Variants in DNM3 observed in about 807,000 individuals in gnomAD.
DNM3 encodes the protein dynamin 3.
DNM3 carries 47 observed loss-of-function variants against 101.6 expected under a neutral mutation model. The observed-to-expected ratio is 0.46, with a 90% CI of 0.37 to 0.59. The LOEUF (loss-of-function observed/expected upper bound fraction) is 0.59, where lower values mean the gene tolerates loss of function less well. Ranked by LOEUF, DNM3 falls within the 20% of genes least tolerant of loss-of-function variation. The pLI, the probability that DNM3 is intolerant of heterozygous loss-of-function variation, is 0.00. For missense variants in DNM3, 849 were observed against 1,085.7 expected (o/e 0.78, Z 3.06); for synonymous variants, 385 against 387.9 (o/e 0.99, Z 0.09).
At chr1:172,354,176 A>G (rs564137607) in intron 17 of DNM3, among the ~76,000 whole-genome samples, 4 of 150,650 alleles carry the variant, frequency 2.7e-5, no homozygotes, top group African/African-American at 9.8e-5. Flanking sequence ...TATCTGAAGA[A>G]AAAAAAGGCC....
intron 4 of DNM3, among the ~76,000 whole-genome samples, chr1:172,028,081 A>C (rs1207019474): frequency 6.6e-6 from 1 of 152,226 alleles, no homozygotes; most frequent in Non-Finnish European, 1.5e-5. Context: ...TAAGACATCT[A>C]CAGAACTCTC....
At chr1:172,098,236 C>G (rs892448164) in intron 13 of DNM3, among the ~76,000 whole-genome samples, 4 of 152,122 alleles carry the variant, frequency 2.6e-5, no homozygotes, top group African/African-American at 9.7e-5. Flanking sequence ...AAGACAGCCA[C>G]CCCCGAAGCG....
At chr1:172,369,752 T>G (rs1182793946) in intron 17 of DNM3, among the ~76,000 whole-genome samples, 1 of 152,092 alleles carries the variant, frequency 6.6e-6, no homozygotes, top group Non-Finnish European at 1.5e-5. Flanking sequence ...TTTATTTTCA[T>G]TAATTGATTA....
intron 11 of DNM3, among the ~76,000 whole-genome samples, chr1:172,077,230 C>A (rs937045138): frequency 1.1e-4 from 16 of 151,926 alleles, no homozygotes; most frequent in African/African-American, 3.6e-4. Flanking sequence ...ATCTGGCTAG[C>A]AGTCTATCTA....
intron 11 of DNM3, among the ~76,000 whole-genome samples, chr1:172,073,281 G>A (rs989028255): frequency 7.5e-6 from 1 of 133,388 alleles, no homozygotes; most frequent in South Asian, 2.5e-4. Context: ...ATGCTTATAT[G>A]TATATATACA....
chr1:171,861,401 T>C (rs776826757), intron 1 of DNM3, among the ~76,000 whole-genome samples: 2 of 152,100 alleles, frequency 1.3e-5, no homozygotes, highest in African/African-American at 2.4e-5. Context: ...ACTAAATGAA[T>C]GGAATAGACT....
At chr1:172,403,264 G>C (rs191773890) in intron 20 of DNM3, among the ~76,000 whole-genome samples, 1 of 152,078 alleles carries the variant, frequency 6.6e-6, no homozygotes, top group Non-Finnish European at 1.5e-5. Flanking sequence ...ATAAGGGCAG[G>C]GACAGAAAGG....
chr1:172,080,788 T>C (rs2053078968), intron 11 of DNM3, among the ~76,000 whole-genome samples: 1 of 152,164 alleles, frequency 6.6e-6, no homozygotes, highest in Admixed American at 6.5e-5. Context: ...GGTCTGCAGG[T>C]TGCGAAGACC....
At chr1:172,225,573 C>G (rs1454351168) in intron 14 of DNM3, among the ~76,000 whole-genome samples, 1 of 134,714 alleles carries the variant, frequency 7.4e-6, no homozygotes, top group African/African-American at 3.0e-5. Flanking sequence ...ACCAAATGAC[C>G]ATTTTTTTTT....
At chr1:172,415,526 T>TTG (rs1445426886), downstream of DNM3, 3 of 105,962 alleles carry the variant, frequency 2.8e-5, no homozygotes, top group African/African-American at 9.7e-5. Context: ...TTTTGTGAGT[T>TTG]TTTTTTTTTT....
At chr1:172,341,526 A>T (rs2148959645) in intron 17 of DNM3, among the ~76,000 whole-genome samples, 1 of 152,344 alleles carries the variant, frequency 6.6e-6, no homozygotes. Flanking sequence ...TTGTACTGGT[A>T]CAAAAACAGA....
intron 14 of DNM3, among the ~76,000 whole-genome samples, chr1:172,166,563 G>C (rs1454489671): frequency 6.6e-6 from 1 of 152,052 alleles, no homozygotes; most frequent in Non-Finnish European, 1.5e-5. Context: ...TGGATCCCCT[G>C]AAGACAAGTA....
At chr1:172,321,151 G>T (rs1232844603) in intron 16 of DNM3, among the ~76,000 whole-genome samples, 1 of 152,090 alleles carries the variant, frequency 6.6e-6, no homozygotes, top group Non-Finnish European at 1.5e-5. Flanking sequence ...ATTCCTCTTG[G>T]ACAAACTCTG....
intron 15 of DNM3, among the ~76,000 whole-genome samples, chr1:172,254,386 C>T (rs2062316169): frequency 1.3e-5 from 2 of 152,144 alleles, no homozygotes; most frequent in African/African-American, 4.8e-5. Flanking sequence ...ATTTCATATA[C>T]TATGACTAAA....
rs2047122094 is a variant in DNM3 at position 172,011,484 on chromosome 1, A to G, written c.590-20918A>G. ...ATTTAGCATGTCCAATGTTTAATTG[A>G]TGGTTATCTCCTTGGATTTTTCCTC... On this transcript the variant is annotated intron_variant, in intron 4 of 20. Coordinates refer to ENST00000627582, the MANE Select transcript of DNM3 (RefSeq NM_015569.5). Among the ~76,000 whole-genome samples, 2 of 151,986 alleles carry G rather than the reference A, an allele frequency of 1.3e-5. 1 individual carries two copies. Among genetic ancestry groups the G allele is most frequent in the South Asian group, 4.1e-4 (2 of 4,830 alleles).
chr1:171,925,518 C>T (rs2125338373), intron 2 of DNM3, among the ~76,000 whole-genome samples: 1 of 152,322 alleles, frequency 6.6e-6, no homozygotes, highest in African/African-American at 2.4e-5. Flanking sequence ...GTGTGAGCCA[C>T]CGTGCCTGGC....
At chr1:172,067,584 C>T (rs995836189) in intron 10 of DNM3, among the ~76,000 whole-genome samples, 2 of 152,110 alleles carry the variant, frequency 1.3e-5, no homozygotes, top group African/African-American at 2.4e-5. Flanking sequence ...CTGTTCCTGG[C>T]AAGCTTCATC....
intron 11 of DNM3, among the ~76,000 whole-genome samples, chr1:172,071,909 T>A (rs898608363): frequency 1.3e-5 from 2 of 152,186 alleles, no homozygotes; most frequent in Non-Finnish European, 2.9e-5. Flanking sequence ...TATTTTTCTT[T>A]TCATCCCCCA....
chr1:172,109,989 G>A (rs551884464), intron 13 of DNM3, among the ~76,000 whole-genome samples: 197 of 152,276 alleles, frequency 1.3e-3, no homozygotes, highest in Admixed American at 2.7e-3. Context: ...AACAGTTAAT[G>A]TGTTGTTCTT....
Sources: allele counts gnomAD v4.1 joint callset (sites outside exome capture counted in the v4.1 genomes callset), GRCh38; gene constraint gnomAD v4.1.1; transcripts MANE v1.5; gene names NCBI Gene and HGNC (gene_info 2026-07-23, HGNC 2026-07-21).